Variants in GAB4 observed in about 807,000 individuals in gnomAD.
GAB4 encodes the protein GRB2 associated binding protein family member 4.
GAB4 carries 26 observed loss-of-function variants against 51.3 expected under a neutral mutation model. That is an observed-to-expected ratio of 0.51 (90% CI 0.37 to 0.70). GAB4 has a LOEUF of 0.70. Ranked by LOEUF, GAB4 falls within the 30% of genes least tolerant of loss-of-function variation. GAB4 has a pLI of 0.00. For missense variants in GAB4, 759 were observed against 734.6 expected (o/e 1.03, Z -0.38); for synonymous variants, 329 against 291.2 (o/e 1.13, Z -1.32).
At chr22:16,978,172 A>C (rs1029959065) in intron 3 of GAB4, among the ~76,000 whole-genome samples, 10 of 152,218 alleles carry the variant, frequency 6.6e-5, no homozygotes, top group African/African-American at 2.2e-4. Context: ...GACAAAAAAT[A>C]ACCAAGATCA....
At position 16,992,176 on chromosome 22, in the gene GAB4, C is replaced by T. The variant is rs2060919777; in HGVS notation, c.175G>A (p.Ala59Thr). 2 of 1,603,590 alleles carry T rather than the reference C, an allele frequency of 1.2e-6. No individual in the cohort carries two copies. The highest frequency in any genetic ancestry group is 2.2e-5 in the East Asian group (1 of 44,654). The change falls in exon 2 of 10, where the codon GCC (alanine) becomes ACC (threonine). Residue 59 changes from alanine (A) to threonine (T), a missense_variant and splice_region_variant. By Grantham distance (58) the Ala-to-Thr change is moderately conservative. Around this residue, in one of 3 missense-constraint regions of GAB4, gnomAD observed 88 missense variants for 151.3 expected, o/e 0.58. Coordinates refer to ENST00000400588, the MANE Select transcript of GAB4 (RefSeq NM_001037814.1). ...AGGATAAACCAGCGTTTCCTCCAGG[C>T]CTAAGGAAGGAGTAAGAAGAGGGGA... is the stretch of plus-strand genomic sequence containing the variant. ...SPPEKKLRLF[A>T]WRKRWFILRR... is the part of the protein sequence containing the mutation.
intron 1 of GAB4, among the ~76,000 whole-genome samples, chr22:16,997,173 T>G (rs2060957115): frequency 6.6e-6 from 1 of 152,362 alleles, no homozygotes; most frequent in Non-Finnish European, 1.5e-5. Flanking sequence ...ATGGGATTGC[T>G]GGGTCAAATG....
At chr22:17,000,530 G>A (rs1167916219) in intron 1 of GAB4, among the ~76,000 whole-genome samples, 1 of 152,006 alleles carries the variant, frequency 6.6e-6, no homozygotes, top group Non-Finnish European at 1.5e-5. Flanking sequence ...GCCTATGTGT[G>A]TCTCTGCACG....
At chr22:16,998,901 G>A (rs1279211176) in intron 1 of GAB4, among the ~76,000 whole-genome samples, 3 of 152,170 alleles carry the variant, frequency 2.0e-5, no homozygotes, top group East Asian at 1.9e-4. Context: ...AGATAATCAC[G>A]TGGTTTTTGT....
At position 16,966,178 on chromosome 22, in the gene GAB4, A is replaced by G. The variant is rs1390844587; in HGVS notation, c.1210T>C (p.Ser404Pro). The change falls in exon 6 of 10, where the codon TCT becomes CCT. Residue 404 changes from serine to proline, a missense_variant. Ser to Pro is a moderately conservative substitution (Grantham distance 74). Transcript: ENST00000400588. ...DLLGSPLTEL[S>P]MHQDLSQGHE... ...CCCTGGCTGAGGTCTTGGTGCATAG[A>G]AAGCTCTGTGAGTGGGGAGCCAAGC... The G allele has an allele frequency of 6.8e-6, 11 of 1,613,944 alleles. No homozygotes were observed. Among genetic ancestry groups the G allele is most frequent in the African/African-American group, 2.7e-5 (2 of 74,926 alleles).
chr22:17,005,029 G>A (rs1467731154), intron 1 of GAB4, among the ~76,000 whole-genome samples: 2 of 152,100 alleles, frequency 1.3e-5, no homozygotes, highest in African/African-American at 4.8e-5. Context: ...AGAAATAAAC[G>A]GTATTCAAAC....
At chr22:16,972,564 T>C (rs533645190) in intron 3 of GAB4, among the ~76,000 whole-genome samples, 1 of 152,298 alleles carries the variant, frequency 6.6e-6, no homozygotes, top group African/African-American at 2.4e-5. Flanking sequence ...TCAGGTGTCC[T>C]GCGGTAATCT....
chr22:16,996,868 G>C (rs1353211065), intron 1 of GAB4, among the ~76,000 whole-genome samples: 1 of 136,614 alleles, frequency 7.3e-6, no homozygotes, highest in African/African-American at 2.8e-5. Flanking sequence ...GTGTCCAAGT[G>C]TTCTCATTGT....
chr22:16,986,365 G>T (rs1284699688), intron 3 of GAB4, among the ~76,000 whole-genome samples: 1 of 152,168 alleles, frequency 6.6e-6, no homozygotes, highest in African/African-American at 2.4e-5. Context: ...CAAGAACAAC[G>T]ACTGGAAGAC....
intron 3 of GAB4, among the ~76,000 whole-genome samples, chr22:16,976,270 GA>G (rs1316192075): frequency 2.0e-5 from 3 of 152,302 alleles, no homozygotes; most frequent in African/African-American, 4.8e-5. Flanking sequence ...TAAAGACCTT[GA>G]TAAAAGGTTA....
intron 3 of GAB4, among the ~76,000 whole-genome samples, chr22:16,975,488 G>GA (rs1339050193): frequency 6.6e-6 from 1 of 152,084 alleles, no homozygotes; most frequent in African/African-American, 2.4e-5. Flanking sequence ...GGACATCTCT[G>GA]AAAAAAAGGC....
At chr22:17,001,953 C>G (rs2061001008) in intron 1 of GAB4, among the ~76,000 whole-genome samples, 2 of 152,210 alleles carry the variant, frequency 1.3e-5, no homozygotes, top group Non-Finnish European at 2.9e-5. Flanking sequence ...GGCATGGGAC[C>G]CCCCGAGCCA....
chr22:16,972,448 C>T (rs1270874269), intron 3 of GAB4, among the ~76,000 whole-genome samples: 1 of 152,164 alleles, frequency 6.6e-6, no homozygotes, highest in Non-Finnish European at 1.5e-5. Flanking sequence ...CAAGGGGCTG[C>T]AAGCTGCTCA....
At chr22:16,975,864 G>A (rs1033042032) in intron 3 of GAB4, among the ~76,000 whole-genome samples, 5 of 152,192 alleles carry the variant, frequency 3.3e-5, no homozygotes, top group African/African-American at 1.2e-4. Context: ...ATACTCCACT[G>A]GTGATATCTG....
intron 3 of GAB4, among the ~76,000 whole-genome samples, chr22:16,976,871 T>C (rs4819931): frequency 0.09 from 13,741 of 152,198 alleles, 669 homozygotes; most frequent in African/African-American, 0.1. Flanking sequence ...ATATTCAACA[T>C]TCTTAAAGAA....
chr22:16,967,098 G>C (rs1386300651), intron 5 of GAB4: 4 of 152,202 alleles, frequency 2.6e-5, no homozygotes, highest in African/African-American at 9.7e-5. Flanking sequence ...ACCCCTTGGG[G>C]TCCAACTACA....
Position 16,963,762 on chromosome 22 carries a change from T to C in GAB4, c.1544A>G (p.Asn515Ser), listed in dbSNP as rs779444767. Reference sequence around the variant, plus strand: ...GAAGTCCAGGGCCGCGTAGTGGATGTTACCAGTGCTCCTCGGCGGGGCTGA... The same window carrying C: ...GAAGTCCAGGGCCGCGTAGTGGATGCTACCAGTGCTCCTCGGCGGGGCTGA... ...SSSAPPRSTG[N>S]IHYAALDFQP... The change falls in exon 9 of 10, where the codon AAC becomes AGC. Residue 515 changes from asparagine to serine, a missense_variant. By Grantham distance (46) the Asn-to-Ser change is conservative. Transcript: ENST00000400588. The C allele has an allele frequency of 3.1e-6, 5 of 1,613,844 alleles. No individual in the cohort carries two copies.
At chr22:16,979,079 T>C (rs575907185) in intron 3 of GAB4, among the ~76,000 whole-genome samples, 5 of 152,194 alleles carry the variant, frequency 3.3e-5, no homozygotes, top group African/African-American at 9.7e-5. Flanking sequence ...AATATCATAC[T>C]GAATGGGCAA....
chr22:17,001,469 C>T (rs1264138430), intron 1 of GAB4, among the ~76,000 whole-genome samples: 1 of 152,172 alleles, frequency 6.6e-6, no homozygotes, highest in Non-Finnish European at 1.5e-5. Flanking sequence ...AGTTCTCGTG[C>T]CATGATTTTC....
Sources: allele counts gnomAD v4.1 joint callset (sites outside exome capture counted in the v4.1 genomes callset), GRCh38; gene constraint gnomAD v4.1.1; regional missense constraint gnomAD v4.1.1; transcripts MANE v1.5; gene names NCBI Gene and HGNC (gene_info 2026-07-23, HGNC 2026-07-21).